GRIK2: variants seen among roughly 807,000 people sequenced by gnomAD.
GRIK2 encodes the protein glutamate ionotropic receptor kainate type subunit 2, also known as glutamate receptor ionotropic, kainate 2.
GRIK2 carries 32 observed loss-of-function variants against 100.3 expected under a neutral mutation model. That is an observed-to-expected ratio of 0.32 (90% CI 0.24 to 0.43). The LOEUF (loss-of-function observed/expected upper bound fraction) is 0.43. Among genes scored for constraint, GRIK2 ranks in the 20% least tolerant of loss-of-function variants. The pLI is 1.00. For synonymous variants in GRIK2, 417 were observed against 389.4 expected (o/e 1.07, Z -0.83); for missense variants, 843 against 1,114.9 (o/e 0.76, Z 3.47).
chr6:101,838,987 G>C (rs1231371869), intron 10 of GRIK2, among the ~76,000 whole-genome samples: 3 of 130,850 alleles, frequency 2.3e-5, no homozygotes, highest in African/African-American at 3.7e-5. Context: ...TCTGGAATAT[G>C]CTTTTTTTTT....
At chr6:101,737,083 A>T (rs1002166328) in intron 7 of GRIK2, among the ~76,000 whole-genome samples, 1 of 152,080 alleles carries the variant, frequency 6.6e-6, no homozygotes, top group African/African-American at 2.4e-5. Flanking sequence ...TCTCCACCCG[A>T]GACCACCTCA....
intron 2 of GRIK2, among the ~76,000 whole-genome samples, chr6:101,546,121 A>G (rs1043438484): frequency 6.6e-6 from 1 of 152,140 alleles, no homozygotes; most frequent in Non-Finnish European, 1.5e-5. Context: ...AAGTGCCTGG[A>G]TTATTTCTGC....
intron 2 of GRIK2, among the ~76,000 whole-genome samples, chr6:101,595,077 A>C (rs1259800142): frequency 6.6e-5 from 10 of 151,694 alleles, no homozygotes; most frequent in Non-Finnish European, 1.0e-4. Flanking sequence ...GCATTCATAG[A>C]CTTTTCAATA....
intron 4 of GRIK2, among the ~76,000 whole-genome samples, chr6:101,665,051 A>G (rs1013029819): frequency 1.3e-5 from 2 of 152,176 alleles, no homozygotes; most frequent in Admixed American, 6.6e-5. Context: ...ACAGCTAAAT[A>G]TCTTAGCCCT....
intron 4 of GRIK2, among the ~76,000 whole-genome samples, chr6:101,630,396 T>C (rs1472705251): frequency 1.3e-5 from 2 of 152,150 alleles, no homozygotes; most frequent in African/African-American, 2.4e-5. Flanking sequence ...TTCTTAATAA[T>C]AGCCATTCAG....
intron 7 of GRIK2, among the ~76,000 whole-genome samples, chr6:101,762,742 A>T (rs1376273102): frequency 6.6e-6 from 1 of 152,186 alleles, no homozygotes; most frequent in Admixed American, 6.5e-5. Flanking sequence ...CTAATTCAAG[A>T]TGCTAATTAC....
At chr6:101,569,178 C>A (rs1777421199) in intron 2 of GRIK2, among the ~76,000 whole-genome samples, 1 of 151,990 alleles carries the variant, frequency 6.6e-6, no homozygotes, top group Non-Finnish European at 1.5e-5. Flanking sequence ...GTTACATGAA[C>A]TTTAGCCTCC....
At chr6:101,739,193 A>T (rs1433075204) in intron 7 of GRIK2, among the ~76,000 whole-genome samples, 1 of 152,224 alleles carries the variant, frequency 6.6e-6, no homozygotes, top group Non-Finnish European at 1.5e-5. Context: ...GAACATTAAT[A>T]ACTTCAAATG....
At chr6:101,625,899 C>T (rs112752505) in intron 3 of GRIK2, among the ~76,000 whole-genome samples, 5 of 152,142 alleles carry the variant, frequency 3.3e-5, no homozygotes, top group South Asian at 2.1e-4. Flanking sequence ...TCGCATAACC[C>T]GACATGTATC....
At chr6:101,576,927 A>G (rs1483243071) in intron 2 of GRIK2, among the ~76,000 whole-genome samples, 1 of 152,110 alleles carries the variant, frequency 6.6e-6, no homozygotes, top group Non-Finnish European at 1.5e-5. Context: ...CGGAGGCCAC[A>G]TTGAATAAAC....
chr6:101,758,171 C>T (rs1777254156), intron 7 of GRIK2, among the ~76,000 whole-genome samples: 1 of 152,074 alleles, frequency 6.6e-6, no homozygotes, highest in Non-Finnish European at 1.5e-5. Context: ...TGCATTGAGC[C>T]AAGATTGTAC....
In GRIK2 at chr6:101,933,038, A is replaced by G. The variant is rs182787796; in HGVS notation, c.2085+4406A>G. The stretch of plus-strand genomic sequence containing the variant: ...AAAGGCATGCCTCTCTTCAGACTGA[A>G]TCGTTGCTACTTTGGGCTAGAGGAT... On this transcript the variant is annotated intron_variant, in intron 14 of 16. Transcript: ENST00000369134. Among the ~76,000 whole-genome samples, 4 of 152,100 alleles carry G rather than the reference A, an allele frequency of 2.6e-5. No individual in the cohort carries two copies. In the East Asian group the frequency reaches 7.7e-4, roughly 29 times the overall value.
At chr6:101,540,141 T>G (rs1775913966) in intron 2 of GRIK2, among the ~76,000 whole-genome samples, 1 of 151,820 alleles carries the variant, frequency 6.6e-6, no homozygotes, top group Non-Finnish European at 1.5e-5. Context: ...AAGCTGTGGT[T>G]TATGAAGATA....
chr6:101,859,329 T>C lies in GRIK2; in HGVS notation c.1360T>C (p.Tyr454His), dbSNP rs186727716. The C allele has an allele frequency of 4.7e-5, 76 of 1,605,930 alleles. No homozygotes were observed. The East Asian group carries it at 7.6e-4, about 16-fold the overall frequency. ...TTTTAAGAAGTCTGACAAACCTCTCTATGGTAATGATCGATTTGAAGGCTA... is the reference window on the plus strand; with the variant it reads ...TTTTAAGAAGTCTGACAAACCTCTCCATGGTAATGATCGATTTGAAGGCTA... ...VLFKKSDKPL[Y>H]GNDRFEGYCI... The change falls in exon 11 of 17, where the codon TAT becomes CAT. Residue 454 changes from tyrosine to histidine, a missense_variant. Physicochemically the swap from Tyr to His is moderately conservative, Grantham distance 83. Coordinates refer to ENST00000369134, the MANE Select transcript of GRIK2 (RefSeq NM_021956.5).
chr6:101,881,105 T>C (rs1786210036), intron 11 of GRIK2, among the ~76,000 whole-genome samples: 1 of 151,954 alleles, frequency 6.6e-6, no homozygotes, highest in African/African-American at 2.4e-5. Flanking sequence ...AAGTCTTAAA[T>C]TTAATAACCA....
intron 7 of GRIK2, among the ~76,000 whole-genome samples, chr6:101,782,430 G>A (rs1779154645): frequency 6.6e-6 from 1 of 151,992 alleles, no homozygotes; most frequent in Admixed American, 6.6e-5. Flanking sequence ...CCTTTCCATA[G>A]CCCCTACACA....
intron 12 of GRIK2, among the ~76,000 whole-genome samples, chr6:101,898,412 T>C (rs1189564772): frequency 3.3e-5 from 5 of 152,062 alleles, no homozygotes; most frequent in African/African-American, 1.2e-4. Flanking sequence ...ATTTAAAGTA[T>C]GCTCTATTAA....
intron 14 of GRIK2, among the ~76,000 whole-genome samples, chr6:101,942,584 G>T (rs1791022672): frequency 6.6e-6 from 1 of 152,220 alleles, no homozygotes; most frequent in South Asian, 2.1e-4. Context: ...TGGAGTACAG[G>T]TCACTCTTGT....
chr6:102,052,407 C>G (rs912653977), intron 15 of GRIK2, among the ~76,000 whole-genome samples: 1 of 152,104 alleles, frequency 6.6e-6, no homozygotes, highest in African/African-American at 2.4e-5. Flanking sequence ...TTCCTATGTT[C>G]ATAAAAGCAA....
Sources: gnomAD v4.1 joint callset for allele counts (sites outside exome capture counted in the v4.1 genomes callset) on GRCh38, gnomAD v4.1.1 for gene constraint, MANE v1.5 for transcripts, NCBI Gene and HGNC (gene_info 2026-07-23, HGNC 2026-07-21) for gene names.